The following RAB11FIP4 variants were observed in gnomAD, a reference collection of about 807,000 sequenced individuals.
RAB11FIP4 encodes the protein rab11 family-interacting protein 4.
In RAB11FIP4, 23 loss-of-function variants were observed where a neutral mutation model predicts 74.3. The observed-to-expected ratio is 0.31, with a 90% CI of 0.22 to 0.44. RAB11FIP4 has a LOEUF of 0.44. RAB11FIP4 is among the 20% of genes least tolerant of loss of function. The pLI, the probability that RAB11FIP4 is intolerant of heterozygous loss-of-function variation, is 1.00. For synonymous variants in RAB11FIP4, 360 were observed against 359.9 expected, an observed-to-expected ratio of 1.00 and a Z score of 0.00; for missense variants, 630 against 863.9, an observed-to-expected ratio of 0.73 and a Z score of 3.39.
intron 3 of RAB11FIP4, among the ~76,000 whole-genome samples, chr17:31,462,367 G>A (rs547008197): frequency 1.3e-5 from 2 of 152,304 alleles, no homozygotes; most frequent in South Asian, 4.1e-4. Context: ...AGTTTGAAAA[G>A]CTCCCCAGCT....
chr17:31,398,797 G>C (rs117664918), intron 1 of RAB11FIP4, among the ~76,000 whole-genome samples: 1 of 152,234 alleles, frequency 6.6e-6, no homozygotes, highest in Admixed American at 6.5e-5. Context: ...AGGGAGGAGA[G>C]GCTGGGCCAG....
At chr17:31,458,078 C>T (rs147006459) in intron 3 of RAB11FIP4, among the ~76,000 whole-genome samples, 93 of 152,332 alleles carry the variant, frequency 6.1e-4, no homozygotes, top group East Asian at 4.6e-3. Flanking sequence ...GTACCCATTT[C>T]GCTGATGAGG....
At chr17:31,419,533 G>C (rs151079222) in intron 1 of RAB11FIP4, among the ~76,000 whole-genome samples, 1 of 150,812 alleles carries the variant, frequency 6.6e-6, no homozygotes, top group East Asian at 1.9e-4. Context: ...GAGGGATATT[G>C]GTTTGTAGTT....
At chr17:31,441,033 G>C (rs2071402660) in intron 3 of RAB11FIP4, among the ~76,000 whole-genome samples, 1 of 151,570 alleles carries the variant, frequency 6.6e-6, no homozygotes, top group African/African-American at 2.4e-5. Flanking sequence ...TTGGTTTTTT[G>C]GGTTTTTTGA....
chr17:31,472,011 A>G (rs1157593638), intron 3 of RAB11FIP4, among the ~76,000 whole-genome samples: 1 of 152,030 alleles, frequency 6.6e-6, no homozygotes, highest in Non-Finnish European at 1.5e-5. Flanking sequence ...AAATACAAAA[A>G]ATTAGCCGGG....
chr17:31,452,130 A>G (rs1257085267), intron 3 of RAB11FIP4, among the ~76,000 whole-genome samples: 1 of 151,712 alleles, frequency 6.6e-6, no homozygotes, highest in African/African-American at 2.4e-5. Flanking sequence ...CTTCTCTCCA[A>G]CTGTATCTTG....
chr17:31,505,698 T>G (rs1255383717), intron 3 of RAB11FIP4, among the ~76,000 whole-genome samples: 1 of 117,224 alleles, frequency 8.5e-6, no homozygotes, highest in Non-Finnish European at 1.7e-5. Flanking sequence ...ATAATAATTA[T>G]ATATAATATA....
chr17:31,431,992 C>A, intron 2 of RAB11FIP4, 92 bp downstream of exon 2: 2 of 970,802 alleles, frequency 2.1e-6, no homozygotes, highest in Admixed American at 2.2e-5. Context: ...TGGATTCCTC[C>A]CCACAGGGGT....
chr17:31,460,500 A>G (rs1183178969), intron 3 of RAB11FIP4, among the ~76,000 whole-genome samples: 1 of 152,236 alleles, frequency 6.6e-6, no homozygotes, highest in East Asian at 1.9e-4. Context: ...GAGATAAATT[A>G]GAAGCCGCTG....
chr17:31,450,652 G>A (rs541792379), intron 3 of RAB11FIP4, among the ~76,000 whole-genome samples: 9 of 151,920 alleles, frequency 5.9e-5, no homozygotes, highest in African/African-American at 2.2e-4. Context: ...CTCAGGCCTC[G>A]TCCTCACCCC....
At chr17:31,468,038 G>T (rs1468605457) in intron 3 of RAB11FIP4, among the ~76,000 whole-genome samples, 2 of 152,184 alleles carry the variant, frequency 1.3e-5, no homozygotes, top group African/African-American at 4.8e-5. Context: ...TTTATTCGGG[G>T]TGAGCTGCGC....
In RAB11FIP4 at chr17:31,402,526, A is replaced by C. The variant is rs566922815; in HGVS notation, c.159+10515A>C. On this transcript the variant is annotated intron_variant, in intron 1 of 14. Transcript: ENST00000621161. ...TCTTTTTTATGATTTCTCACTTCCCACACAGGCCATTGGGTCTGGCAAGAG... is the reference window on the plus strand; with the variant it reads ...TCTTTTTTATGATTTCTCACTTCCCCCACAGGCCATTGGGTCTGGCAAGAG... Among the ~76,000 whole-genome samples, 335 of 152,256 alleles carry C rather than the reference A, an allele frequency of 2.2e-3. 3 individuals are homozygous for C. Among genetic ancestry groups the C allele is most frequent in the African/African-American group, 7.9e-3 (328 of 41,558 alleles).
intron 3 of RAB11FIP4, among the ~76,000 whole-genome samples, chr17:31,473,463 G>A (rs906909466): frequency 6.6e-5 from 10 of 152,060 alleles, no homozygotes; most frequent in African/African-American, 1.2e-4. Context: ...CATCACTGCA[G>A]CCCAGGTGTT....
At position 31,522,413 on chromosome 17, in the gene RAB11FIP4, G is replaced by C; in HGVS notation, c.929+18G>C. ...TTTGGACGGTAAGGCCCGCCTCGAG[G>C]GAGGGCAAATTGAGTGCTGTCCCCA... On this transcript the variant is annotated intron_variant, in intron 7 of 14. Coordinates refer to ENST00000621161, the MANE Select transcript of RAB11FIP4 (RefSeq NM_032932.6). 1 of 1,612,800 alleles carries C rather than the reference G, an allele frequency of 6.2e-7. No homozygotes were observed. The highest frequency in any genetic ancestry group is 8.5e-7 in the Non-Finnish European group (1 of 1,179,336).
chr17:31,502,363 GA>G (rs2072238014), intron 3 of RAB11FIP4, among the ~76,000 whole-genome samples: 1 of 151,954 alleles, frequency 6.6e-6, no homozygotes, highest in Admixed American at 6.6e-5. Context: ...TAGATCACTT[GA>G]GGTCAGGAGT....
intron 3 of RAB11FIP4, among the ~76,000 whole-genome samples, chr17:31,505,599 TA>T (rs2072322866): frequency 1.7e-5 from 1 of 60,414 alleles, no homozygotes; most frequent in South Asian, 4.7e-4. Context: ...TTATATATTA[TA>T]TAATAATAAT....
chr17:31,521,487 C>A, intron 5 of RAB11FIP4, 127 bp downstream of exon 5: 1 of 844,146 alleles, frequency 1.2e-6, no homozygotes, highest in Non-Finnish European at 1.8e-6. Context: ...TACTTGAGTT[C>A]TGCTCCTGGG....
chr17:31,457,611 C>T (rs1201137148), intron 3 of RAB11FIP4, among the ~76,000 whole-genome samples: 2 of 151,996 alleles, frequency 1.3e-5, no homozygotes, highest in African/African-American at 4.8e-5. Flanking sequence ...CCAGCTGCCT[C>T]CTAGGACTGA....
chr17:31,427,859 T>C (rs1302784706), intron 1 of RAB11FIP4, among the ~76,000 whole-genome samples: 2 of 152,152 alleles, frequency 1.3e-5, no homozygotes, highest in Non-Finnish European at 2.9e-5. Flanking sequence ...TGGGCATTGC[T>C]ATTCTCAGAA....
Sources: allele counts gnomAD v4.1 joint callset (sites outside exome capture counted in the v4.1 genomes callset), GRCh38; gene constraint gnomAD v4.1.1; transcripts MANE v1.5; gene names NCBI Gene and HGNC (gene_info 2026-07-23, HGNC 2026-07-21).